The following GRM7 variants were observed in gnomAD, a reference collection of about 807,000 sequenced individuals.
GRM7 encodes glutamate metabotropic receptor 7, also known as metabotropic glutamate receptor 7.
In GRM7, 35 loss-of-function variants were observed where a neutral mutation model predicts 84.5. The ratio of observed to expected loss-of-function variants is 0.41; its 90% CI spans 0.32 to 0.55. The LOEUF (loss-of-function observed/expected upper bound fraction) is 0.55, where lower values mean the gene tolerates loss of function less well. Ranked by LOEUF, GRM7 falls within the 20% of genes least tolerant of loss-of-function variation. The pLI, the probability that GRM7 is intolerant of heterozygous loss-of-function variation, is 0.19. For missense variants in GRM7, 1,003 were observed against 1,194.6 expected (o/e 0.84, Z 2.36); for synonymous variants, 487 against 455.1 (o/e 1.07, Z -0.89).
At chr3:7,237,999 A>G (rs564936584) in intron 2 of GRM7, among the ~76,000 whole-genome samples, 132 of 152,262 alleles carry the variant, frequency 8.7e-4, no homozygotes, top group African/African-American at 2.9e-3. Context: ...AGCTAGACAG[A>G]AAAGTTCTCC....
chr3:7,544,175 T>C (rs1279221980), intron 7 of GRM7, among the ~76,000 whole-genome samples: 1 of 152,050 alleles, frequency 6.6e-6, no homozygotes, highest in Non-Finnish European at 1.5e-5. Flanking sequence ...TTATTTTTAC[T>C]TTTTTCTTAA....
intron 9 of GRM7, among the ~76,000 whole-genome samples, chr3:7,733,103 T>G (rs949029346): frequency 2.0e-5 from 3 of 152,166 alleles, no homozygotes; most frequent in Non-Finnish European, 4.4e-5. Flanking sequence ...TACTGCATGC[T>G]ATTTTATCAG....
chr3:6,989,082 T>C (rs6782680), intron 1 of GRM7, among the ~76,000 whole-genome samples: 68,210 of 152,056 alleles, frequency 0.45, 15,623 homozygotes, highest in African/African-American at 0.48. Flanking sequence ...AAATGGCCAA[T>C]GGTGAGCAGG....
chr3:7,336,092 A>G (rs1030960388), intron 4 of GRM7, among the ~76,000 whole-genome samples: 1 of 132,212 alleles, frequency 7.6e-6, no homozygotes, highest in Non-Finnish European at 1.6e-5. Flanking sequence ...AGAACGTAAC[A>G]AAAAAAAACA....
intron 2 of GRM7, among the ~76,000 whole-genome samples, chr3:7,163,836 G>A (rs1262906361): frequency 6.6e-6 from 1 of 152,162 alleles, no homozygotes; most frequent in Non-Finnish European, 1.5e-5. Flanking sequence ...TTTAGTTGAA[G>A]TCATGCTTAT....
chr3:7,385,734 C>T (rs1338188694), intron 4 of GRM7, among the ~76,000 whole-genome samples: 1 of 152,178 alleles, frequency 6.6e-6, no homozygotes, highest in Non-Finnish European at 1.5e-5. Context: ...AATACTCTTC[C>T]ATGTGTACAC....
At chr3:7,212,203 T>TG (rs886352033) in intron 2 of GRM7, among the ~76,000 whole-genome samples, 2 of 151,634 alleles carry the variant, frequency 1.3e-5, no homozygotes, top group Admixed American at 1.3e-4. Flanking sequence ...GGTCTTTTTT[T>TG]TTTTTCCTTT....
intron 1 of GRM7, among the ~76,000 whole-genome samples, chr3:7,073,503 G>T (rs1697955809): frequency 6.6e-6 from 1 of 152,022 alleles, no homozygotes; most frequent in Admixed American, 6.6e-5. Context: ...AAAAATATCA[G>T]GGAAGGTACT....
At chr3:7,604,282 T>A (rs1460797020) in intron 8 of GRM7, among the ~76,000 whole-genome samples, 1 of 152,202 alleles carries the variant, frequency 6.6e-6, no homozygotes, top group African/African-American at 2.4e-5. Context: ...CTAGCCTGAT[T>A]ATTTACATAG....
intron 4 of GRM7, among the ~76,000 whole-genome samples, chr3:7,321,424 A>T (rs918475074): frequency 1.3e-5 from 2 of 152,210 alleles, no homozygotes; most frequent in Middle Eastern, 3.4e-3. Context: ...GACCAGTCCC[A>T]AAAAGTAGTG....
At chr3:6,935,145 G>A (rs1697642559) in intron 1 of GRM7, among the ~76,000 whole-genome samples, 1 of 152,180 alleles carries the variant, frequency 6.6e-6, no homozygotes, top group South Asian at 2.1e-4. Flanking sequence ...CTTAGTTAGA[G>A]GGAGCATTTC....
intron 1 of GRM7, among the ~76,000 whole-genome samples, chr3:7,049,293 G>C (rs764057535): frequency 6.4e-4 from 97 of 151,966 alleles, no homozygotes; most frequent in Admixed American, 1.4e-3. Flanking sequence ...TGGATTCACA[G>C]TTCCACATGG....
chr3:7,170,973 A>G (rs557786060), intron 2 of GRM7, among the ~76,000 whole-genome samples: 1 of 152,080 alleles, frequency 6.6e-6, no homozygotes, highest in Non-Finnish European at 1.5e-5. Context: ...GCTGCTCATC[A>G]CATCTGGAGC....
intron 4 of GRM7, among the ~76,000 whole-genome samples, chr3:7,386,410 C>A (rs1694788682): frequency 6.6e-6 from 1 of 152,138 alleles, no homozygotes; most frequent in African/African-American, 2.4e-5. Context: ...AGATGTTCAA[C>A]CCTTGTCCCA....
chr3:7,376,466 G>T (rs1472332825), intron 4 of GRM7, among the ~76,000 whole-genome samples: 1 of 152,168 alleles, frequency 6.6e-6, no homozygotes, highest in Non-Finnish European at 1.5e-5. Flanking sequence ...GCTCCGTAGA[G>T]ACTACCTGGT....
chr3:7,420,579 T>C (rs2124825765), intron 5 of GRM7, among the ~76,000 whole-genome samples: 1 of 152,310 alleles, frequency 6.6e-6, no homozygotes, highest in Middle Eastern at 3.4e-3. Context: ...AATGTGGTTC[T>C]TTGTTAAATT....
intron 4 of GRM7, among the ~76,000 whole-genome samples, chr3:7,412,022 C>G (rs1048646596): frequency 6.7e-6 from 1 of 150,020 alleles, no homozygotes; most frequent in Non-Finnish European, 1.5e-5. Flanking sequence ...TCTTTTTGCT[C>G]TCTCCTCTCT....
chr3:7,482,401 G>T (rs1699165410), intron 7 of GRM7, among the ~76,000 whole-genome samples: 3 of 152,106 alleles, frequency 2.0e-5, no homozygotes, highest in Admixed American at 1.3e-4. Flanking sequence ...CTGCAGATAG[G>T]AGGAAAAACT....
chr3:7,111,902 C>A (rs1347447976), intron 1 of GRM7, among the ~76,000 whole-genome samples: 10 of 150,520 alleles, frequency 6.6e-5, no homozygotes. Flanking sequence ...TTACCAGCAC[C>A]CCCCCACCCT....
Sources: allele counts gnomAD v4.1 joint callset (sites outside exome capture counted in the v4.1 genomes callset), GRCh38; gene constraint gnomAD v4.1.1; transcripts MANE v1.5; gene names NCBI Gene and HGNC (gene_info 2026-07-23, HGNC 2026-07-21).